The following CYP19A1 variants were observed in gnomAD, a reference collection of about 807,000 sequenced individuals.
CYP19A1 encodes cytochrome P450 family 19 subfamily A member 1.
CYP19A1 carries 32 observed loss-of-function variants against 44.4 expected under a neutral mutation model. The observed-to-expected ratio is 0.72, with a 90% CI of 0.54 to 0.97. CYP19A1 has a LOEUF of 0.97. Ranked by LOEUF, CYP19A1 falls within the 50% of genes least tolerant of loss-of-function variation. CYP19A1 has a pLI of 0.00. For synonymous variants in CYP19A1, 212 were observed against 215.6 expected, an observed-to-expected ratio of 0.98 and a Z score of 0.14; for missense variants, 598 against 637.8, an observed-to-expected ratio of 0.94 and a Z score of 0.67.
intron 2 of CYP19A1, among the ~76,000 whole-genome samples, chr15:51,241,798 CAG>C (rs1240319794): frequency 1.3e-5 from 2 of 152,108 alleles, no homozygotes; most frequent in Non-Finnish European, 2.9e-5. Flanking sequence ...CTGAATCAGG[CAG>C]AGAGACAGGC....
intron 1 of CYP19A1, chr15:51,313,916 C>T (rs2036369732): frequency 6.6e-6 from 1 of 152,144 alleles, no homozygotes; most frequent in African/African-American, 2.4e-5. Flanking sequence ...GGAATTGGAA[C>T]CTTGATTCAA....
chr15:51,298,990 C>T (rs1339588535), intron 1 of CYP19A1, among the ~76,000 whole-genome samples: 3 of 152,212 alleles, frequency 2.0e-5, no homozygotes, highest in African/African-American at 4.8e-5. Flanking sequence ...GACCAGGCAC[C>T]CCATCTGCCA....
At chr15:51,306,002 C>A (rs2036208992) in intron 1 of CYP19A1, among the ~76,000 whole-genome samples, 1 of 152,170 alleles carries the variant, frequency 6.6e-6, no homozygotes, top group African/African-American at 2.4e-5. Flanking sequence ...CAAAAAAGCA[C>A]CCTGGCTGGC....
intron 1 of CYP19A1, among the ~76,000 whole-genome samples, chr15:51,310,735 G>C (rs960571479): frequency 6.6e-6 from 1 of 152,240 alleles, no homozygotes; most frequent in African/African-American, 2.4e-5. Context: ...AGCGGCTCCA[G>C]CTCTGAGAGA....
chr15:51,276,225 T>C (rs759161922), intron 1 of CYP19A1, among the ~76,000 whole-genome samples: 81 of 152,344 alleles, frequency 5.3e-4, no homozygotes, highest in Non-Finnish European at 9.8e-4. Context: ...GAGTATTTCA[T>C]AGTCTATCTC....
At chr15:51,304,721 T>G (rs1311094654) in intron 1 of CYP19A1, among the ~76,000 whole-genome samples, 1 of 152,180 alleles carries the variant, frequency 6.6e-6, no homozygotes, top group East Asian at 1.9e-4. Flanking sequence ...CCCAGTGACT[T>G]GACCATGTCT....
At chr15:51,270,497 G>A (rs1456320062) in intron 1 of CYP19A1, among the ~76,000 whole-genome samples, 6 of 152,114 alleles carry the variant, frequency 3.9e-5, no homozygotes, top group Non-Finnish European at 8.8e-5. Flanking sequence ...AGTTGCTGAA[G>A]AAATCTCATA....
rs2035215484 is a variant in CYP19A1, at chr15:51,273,982, G to C, written c.-38-31032C>G. Among the ~76,000 whole-genome samples, 3 of 148,114 alleles carry C rather than the reference G, an allele frequency of 2.0e-5. No homozygotes were observed. In the South Asian group the frequency reaches 6.6e-4, roughly 33 times the overall value. On this transcript the variant is annotated intron_variant, in intron 1 of 9. Coordinates refer to ENST00000396402, the MANE Select transcript of CYP19A1 (RefSeq NM_000103.4). ...AGATCATGCCATTGCACTCCAGCCT[G>C]GGCCACAGAGTGAAATTTTGTCACA...
At chr15:51,246,164 C>T (rs564459079) in intron 1 of CYP19A1, among the ~76,000 whole-genome samples, 1 of 152,262 alleles carries the variant, frequency 6.6e-6, no homozygotes, top group East Asian at 1.9e-4. Context: ...GTAGGTTAAA[C>T]AGAAGCCTTC....
In CYP19A1 at chr15:51,242,749, A is replaced by C. The variant is rs1214416161; in HGVS notation, c.145+19T>G. On this transcript the variant is annotated intron_variant, in intron 2 of 9. Transcript: ENST00000396402. The stretch of plus-strand genomic sequence containing the variant: ...AAGTAAATAATCTCCTTAGATACAG[A>C]AATAAATGACTGACTTACCTGGTAT... The C allele has an allele frequency of 6.7e-7, 1 of 1,482,934 alleles. No homozygotes were observed. Among genetic ancestry groups the C allele is most frequent in the Non-Finnish European group, 9.4e-7 (1 of 1,060,702 alleles). 91.9% of individuals were successfully genotyped at this position (1,482,934 alleles called of 1,614,324 possible). A position where few individuals can be genotyped will look rare whatever the true frequency, so the allele number is the denominator to read the frequency against.
chr15:51,302,013 TA>T (rs374737418), intron 1 of CYP19A1, among the ~76,000 whole-genome samples: 1 of 152,194 alleles, frequency 6.6e-6, no homozygotes, highest in African/African-American at 2.4e-5. Flanking sequence ...CTGGGTATAA[TA>T]AAGTGTAGGC....
At chr15:51,256,595 A>G (rs1464397185) in intron 1 of CYP19A1, among the ~76,000 whole-genome samples, 1 of 152,220 alleles carries the variant, frequency 6.6e-6, no homozygotes, top group Non-Finnish European at 1.5e-5. Context: ...CAAATACCAA[A>G]TATACCATTT....
intron 3 of CYP19A1, among the ~76,000 whole-genome samples, chr15:51,231,929 T>C (rs1198100958): frequency 6.6e-6 from 1 of 152,152 alleles, no homozygotes; most frequent in Non-Finnish European, 1.5e-5. Flanking sequence ...ATGTCCCTAT[T>C]CAAGGCCAAC....
chr15:51,287,283 A>G (rs2035726916), intron 1 of CYP19A1, among the ~76,000 whole-genome samples: 1 of 152,234 alleles, frequency 6.6e-6, no homozygotes, highest in African/African-American at 2.4e-5. Flanking sequence ...GAGGCTCCTC[A>G]GTCAAGGGAG....
intron 3 of CYP19A1, among the ~76,000 whole-genome samples, chr15:51,231,251 T>C (rs1181665652): frequency 6.6e-6 from 1 of 152,114 alleles, no homozygotes; most frequent in Admixed American, 6.5e-5. Context: ...TTATAAGAAA[T>C]ACAGAGAATA....
At chr15:51,215,953 A>G in intron 6 of CYP19A1, 136 bp from the exon 7 acceptor site, 6 of 1,469,568 alleles carry the variant, frequency 4.1e-6, no homozygotes, top group Middle Eastern at 1.9e-4. Context: ...GTGAATTACT[A>G]TTTTATTTCT....
intron 1 of CYP19A1, chr15:51,277,842 G>T (rs1232354751): frequency 6.6e-6 from 1 of 150,912 alleles, no homozygotes; most frequent in Non-Finnish European, 1.5e-5. Context: ...AAATCAAAAA[G>T]CAGTTATTTA....
rs867525000 is a variant in CYP19A1 at position 51,212,370 on chromosome 15, C to T, written c.1213G>A (p.Glu405Lys). The change falls in exon 9 of 10, where the codon GAG becomes AAG. Residue 405 changes from glutamate to lysine, a missense_variant. Glu to Lys is a moderately conservative substitution (Grantham distance 56). Transcript: ENST00000396402. ...ILNIGRMHRL[E>K]FFPKPNEFTL... ...AATTCATTGGGTTTGGGGAAAAACT[C>T]GAGTCTGTGCATCCTTCCAATATTC... 4 of 1,596,134 alleles carry T rather than the reference C, an allele frequency of 2.5e-6. No homozygotes were observed. The highest frequency in any genetic ancestry group is 3.3e-5 in the Admixed American group (2 of 60,016).
chr15:51,311,256 C>A (rs2036304988), intron 1 of CYP19A1, among the ~76,000 whole-genome samples: 1 of 151,918 alleles, frequency 6.6e-6, no homozygotes, highest in South Asian at 2.1e-4. Context: ...AATAGAAATT[C>A]TCAGTCAAGC....
Sources: allele counts gnomAD v4.1 joint callset (sites outside exome capture counted in the v4.1 genomes callset), GRCh38; gene constraint gnomAD v4.1.1; transcripts MANE v1.5; gene names NCBI Gene and HGNC (gene_info 2026-07-23, HGNC 2026-07-21).